ERICH1: variants seen among roughly 807,000 people sequenced by gnomAD.
ERICH1 encodes the protein glutamate rich 1.
In ERICH1, 56 loss-of-function variants were observed where a neutral mutation model predicts 39.6. That is an observed-to-expected ratio of 1.41 (90% CI 1.14 to 1.77). The LOEUF is 1.77. ERICH1 is among the 40% of genes most tolerant of loss of function. The pLI is 0.00. For synonymous variants in ERICH1, 313 were observed against 223.6 expected, an observed-to-expected ratio of 1.40 and a Z score of -3.57; for missense variants, 826 against 575.4, an observed-to-expected ratio of 1.44 and a Z score of -4.45.
At chr8:651,233 A>C (rs1307372368) in intron 3 of ERICH1, among the ~76,000 whole-genome samples, 1 of 152,212 alleles carries the variant, frequency 6.6e-6, no homozygotes, top group Non-Finnish European at 1.5e-5. Context: ...CAGGGTTGGG[A>C]AGAGAAGTGG....
intron 3 of ERICH1, among the ~76,000 whole-genome samples, chr8:642,522 T>C (rs939392272): frequency 1.3e-4 from 19 of 151,962 alleles, no homozygotes; most frequent in Non-Finnish European, 2.4e-4. Context: ...TTTTTTGTAT[T>C]TTTAGTAGAG....
At chr8:622,277 AC>A (rs1029557411) in intron 3 of ERICH1, among the ~76,000 whole-genome samples, 10 of 151,842 alleles carry the variant, frequency 6.6e-5, no homozygotes, top group Non-Finnish European at 1.3e-4. Context: ...GTTTGTATCC[AC>A]CCCCCATTTA....
At chr8:731,028 T>G in intron 1 of ERICH1, 112 bp downstream of exon 1, 1 of 1,253,756 alleles carries the variant, frequency 8.0e-7, no homozygotes, top group Non-Finnish European at 1.0e-6. Context: ...TCGGTCTGGG[T>G]TTGGGGTGGG....
At chr8:649,671 T>C (rs1799690698) in intron 3 of ERICH1, among the ~76,000 whole-genome samples, 1 of 152,026 alleles carries the variant, frequency 6.6e-6, no homozygotes, top group Admixed American at 6.5e-5. Flanking sequence ...GCTCAGATCA[T>C]GAAGCACTGC....
At chr8:652,606 G>T (rs891076189) in intron 3 of ERICH1, among the ~76,000 whole-genome samples, 32 of 152,316 alleles carry the variant, frequency 2.1e-4, no homozygotes, top group African/African-American at 6.0e-4. Flanking sequence ...AAAAGCTGGG[G>T]AATTGGTGTA....
intron 3 of ERICH1, among the ~76,000 whole-genome samples, chr8:681,826 C>T (rs947064418): frequency 6.6e-6 from 1 of 152,168 alleles, no homozygotes; most frequent in African/African-American, 2.4e-5. Flanking sequence ...CCTCTGAGGC[C>T]CACCTGTGCG....
intron 3 of ERICH1, chr8:626,625 G>A (rs1309091311): frequency 6.4e-6 from 1 of 156,036 alleles, no homozygotes; most frequent in Non-Finnish European, 1.4e-5. Flanking sequence ...TATTATGAAT[G>A]ACCTTGTCAA....
intron 2 of ERICH1, among the ~76,000 whole-genome samples, chr8:699,110 G>A (rs1014596008): frequency 6.6e-6 from 1 of 151,854 alleles, no homozygotes; most frequent in Non-Finnish European, 1.5e-5. Flanking sequence ...GGGAAACCCT[G>A]TCTCAAAAAA....
At position 731,162 on chromosome 8, in the gene ERICH1, G is replaced by T. The variant is rs1202147588; in HGVS notation, c.-1C>A. 3 of 1,510,464 alleles carry T rather than the reference G, an allele frequency of 2.0e-6. No homozygotes were observed. The highest frequency in any genetic ancestry group is 2.1e-5 in the Admixed American group (1 of 48,720). 93.6% of individuals were successfully genotyped at this position (1,510,464 alleles called of 1,614,324 possible). A position where few individuals can be genotyped will look rare whatever the true frequency, so the allele number is the denominator to read the frequency against. ...TACCGTGCTTCCTGTGCGCCGCCAT[G>T]CGGGACCCTGCCGCGGACCTCAGAC... On this transcript the variant is annotated 5_prime_UTR_variant, in exon 1 of 6. Transcript: ENST00000262109.
downstream of ERICH1, among the ~76,000 whole-genome samples, chr8:663,448 ACC>A (rs1370417933): frequency 3.9e-5 from 6 of 152,080 alleles, no homozygotes; most frequent in Non-Finnish European, 8.8e-5. Flanking sequence ...TCACCAGGCG[ACC>A]GTGCAGTTCC....
intron 1 of ERICH1, among the ~76,000 whole-genome samples, chr8:719,818 A>G (rs1816874376): frequency 1.3e-5 from 2 of 152,136 alleles, no homozygotes; most frequent in Admixed American, 1.3e-4. Flanking sequence ...AAGGACCATC[A>G]CCCTGTACTG....
chr8:725,176 C>T (rs896619585), intron 1 of ERICH1: 60 of 193,186 alleles, frequency 3.1e-4, no homozygotes, highest in African/African-American at 1.3e-3. Context: ...CTGTCCCCTC[C>T]GGCTTCCGTG....
At chr8:681,086 C>A (rs1280394228) in intron 3 of ERICH1, among the ~76,000 whole-genome samples, 3 of 152,214 alleles carry the variant, frequency 2.0e-5, no homozygotes, top group Non-Finnish European at 4.4e-5. Context: ...TGCCAGAGAG[C>A]CAGACTGGAT....
chr8:701,083 G>A (rs1415359184), intron 2 of ERICH1, among the ~76,000 whole-genome samples: 1 of 146,292 alleles, frequency 6.8e-6, no homozygotes, highest in East Asian at 2.0e-4. Context: ...GATTTTTTTT[G>A]CTGCAACTTG....
intron 1 of ERICH1, among the ~76,000 whole-genome samples, chr8:729,777 C>T (rs999584455): frequency 1.3e-4 from 20 of 152,112 alleles, no homozygotes; most frequent in African/African-American, 4.8e-4. Context: ...AAACAATTAA[C>T]AGCTTTCATT....
intron 3 of ERICH1, among the ~76,000 whole-genome samples, chr8:688,999 C>G (rs939126127): frequency 6.6e-6 from 1 of 152,200 alleles, no homozygotes; most frequent in Admixed American, 6.5e-5. Flanking sequence ...CCAACACTCT[C>G]CAGGTCTTTT....
At chr8:618,363 T>C (rs999736251) in intron 3 of ERICH1, among the ~76,000 whole-genome samples, 5 of 151,924 alleles carry the variant, frequency 3.3e-5, no homozygotes, top group African/African-American at 1.2e-4. Flanking sequence ...TCGTACTTGG[T>C]CTGTCCTCAC....
At chr8:628,846 C>A (rs62486188) in intron 3 of ERICH1, among the ~76,000 whole-genome samples, 3,340 of 152,266 alleles carry the variant, frequency 0.022, 45 homozygotes, top group African/African-American at 0.029. Flanking sequence ...GGCAAACAAG[C>A]CCCCTCTCCC....
At chr8:695,418 C>T (rs1186651436) in intron 2 of ERICH1, among the ~76,000 whole-genome samples, 1 of 152,204 alleles carries the variant, frequency 6.6e-6, no homozygotes, top group South Asian at 2.1e-4. Flanking sequence ...TGACACAGAT[C>T]CTTACGCCGC....
Sources: allele counts gnomAD v4.1 joint callset (sites outside exome capture counted in the v4.1 genomes callset), GRCh38; gene constraint gnomAD v4.1.1; transcripts MANE v1.5; gene names NCBI Gene and HGNC (gene_info 2026-07-23, HGNC 2026-07-21).